Variants in MEI4 observed in about 807,000 individuals in gnomAD.
The protein encoded by MEI4 is meiotic double-stranded break formation protein 4.
Under a neutral mutation model 31.4 loss-of-function variants are expected in MEI4, and 27 were observed. That is an observed-to-expected ratio of 0.86 (90% confidence interval 0.63 to 1.19). The LOEUF (loss-of-function observed/expected upper bound fraction) is 1.19. Among genes scored for constraint, MEI4 ranks in the 50% most tolerant of loss-of-function variants. The pLI is 0.00. For synonymous variants in MEI4, 122 were observed against 145.4 expected, an observed-to-expected ratio of 0.84 and a Z score of 1.16; for missense variants, 329 against 398.9, an observed-to-expected ratio of 0.82 and a Z score of 1.49.
At chr6:77,875,062 G>A (rs138173923) in intron 4 of MEI4, among the ~76,000 whole-genome samples, 23 of 152,126 alleles carry the variant, frequency 1.5e-4, no homozygotes, top group Non-Finnish European at 2.9e-4. Context: ...CCCACCTCAT[G>A]CTAATTTTTC....
Position 77,653,675 on chromosome 6 carries a change from A to G in MEI4, c.-15+583A>G, listed in dbSNP as rs117147487. The stretch of plus-strand genomic sequence containing the variant: ...AAAAATGGGCCTTCTATGATGTGGA[A>G]GAACTCTGATCTATCAAAAGATAGA... On this transcript the variant is annotated intron_variant, in intron 1 of 4. Transcript: ENST00000684080. 6.0e-3 allele frequency among the ~76,000 whole-genome samples: 921 copies of G among 152,320 alleles called. 3 individuals are homozygous for G. Among genetic ancestry groups the G allele is most frequent in the Middle Eastern group, 0.014 (4 of 294 alleles).
At chr6:77,852,562 GTTTTTGT>G (rs1265544646) in intron 4 of MEI4, among the ~76,000 whole-genome samples, 1 of 137,606 alleles carries the variant, frequency 7.3e-6, no homozygotes, top group Non-Finnish European at 1.5e-5. Context: ...TACTTTTTTT[GTTTTTGT>G]TTTTTGTTGT....
chr6:77,818,700 G>C (rs1038380716), intron 3 of MEI4, among the ~76,000 whole-genome samples: 1 of 151,822 alleles, frequency 6.6e-6, no homozygotes, highest in Non-Finnish European at 1.5e-5. Context: ...TTACCTATTC[G>C]TACATTGTTA....
At chr6:77,746,638 C>CGTGT (rs5877568) in intron 2 of MEI4, among the ~76,000 whole-genome samples, 17,107 of 136,412 alleles carry the variant, frequency 0.13, 1,033 homozygotes, top group Middle Eastern at 0.18. Flanking sequence ...AAATATATGG[C>CGTGT]GTGTGTGTGT....
chr6:77,745,768 C>G (rs10806115), intron 2 of MEI4, among the ~76,000 whole-genome samples: 101,897 of 151,982 alleles, frequency 0.67, 34,767 homozygotes, highest in East Asian at 0.86. Flanking sequence ...ATAACAAACT[C>G]TCTCTCAGAC....
chr6:77,697,673 A>T (rs370238399), intron 2 of MEI4, among the ~76,000 whole-genome samples: 1 of 151,954 alleles, frequency 6.6e-6, no homozygotes, highest in Non-Finnish European at 1.5e-5. Flanking sequence ...TGCTGAGGAG[A>T]GCTTTACTTC....
intron 4 of MEI4, among the ~76,000 whole-genome samples, chr6:77,846,303 T>C (rs1221760424): frequency 6.6e-6 from 1 of 152,128 alleles, no homozygotes; most frequent in East Asian, 1.9e-4. Context: ...CATTTTGATT[T>C]CACTCCTTAT....
chr6:77,743,565 A>G (rs1160459827), intron 2 of MEI4, among the ~76,000 whole-genome samples: 1 of 152,160 alleles, frequency 6.6e-6, no homozygotes. Context: ...TGTCATCTGC[A>G]AACAGGGACT....
intron 4 of MEI4, among the ~76,000 whole-genome samples, chr6:77,874,537 C>T (rs1562021675): frequency 6.6e-6 from 1 of 152,148 alleles, no homozygotes; most frequent in Non-Finnish European, 1.5e-5. Flanking sequence ...GATATACAAT[C>T]AAGTCATCTG....
chr6:77,687,339 TAA>T (rs773736251), intron 1 of MEI4, among the ~76,000 whole-genome samples: 58 of 152,144 alleles, frequency 3.8e-4, no homozygotes, highest in Admixed American at 9.2e-4. Context: ...AAATTGAATT[TAA>T]AAAGGCTTTC....
intron 4 of MEI4, among the ~76,000 whole-genome samples, chr6:77,842,079 A>G (rs557649027): frequency 3.3e-5 from 5 of 152,180 alleles, no homozygotes; most frequent in Non-Finnish European, 7.4e-5. Flanking sequence ...GCCATTGACT[A>G]GTTTGACTTG....
chr6:77,750,808 C>T (rs920472052), intron 2 of MEI4, among the ~76,000 whole-genome samples: 1 of 152,162 alleles, frequency 6.6e-6, no homozygotes, highest in Admixed American at 6.5e-5. Context: ...CCCAAATCAA[C>T]AGAATATATA....
upstream of MEI4, among the ~76,000 whole-genome samples, chr6:77,650,468 C>G (rs1475058656): frequency 6.6e-6 from 1 of 152,234 alleles, no homozygotes; most frequent in African/African-American, 2.4e-5. Context: ...CTGGTGACCA[C>G]CTGCGGGGCA....
At chr6:77,693,352 C>T (rs1769195221) in intron 2 of MEI4, among the ~76,000 whole-genome samples, 1 of 151,944 alleles carries the variant, frequency 6.6e-6, no homozygotes, top group African/African-American at 2.4e-5. Context: ...CTATGACTAT[C>T]ATAAGCATCC....
Position 77,832,053 on chromosome 6 carries a change from C to T in MEI4, c.900+2991C>T, listed in dbSNP as rs191418618. 4.9e-4 allele frequency among the ~76,000 whole-genome samples: 75 copies of T among 152,044 alleles called. 1 individual carries two copies. The highest frequency in any genetic ancestry group is 4.4e-3 in the East Asian group (23 of 5,184). ...ATCCCCAGTATATGTACAACTCTGA[C>T]GTATCAATTAAAAATGCATCAAAAT... On this transcript the variant is annotated intron_variant, in intron 4 of 4. Transcript: ENST00000684080.
At chr6:77,698,587 A>T (rs994399597) in intron 2 of MEI4, among the ~76,000 whole-genome samples, 25 of 152,306 alleles carry the variant, frequency 1.6e-4, no homozygotes, top group Admixed American at 1.6e-3. Flanking sequence ...AGAATGTTGA[A>T]TATTGGCCCC....
chr6:77,741,598 C>A (rs1477765258), intron 2 of MEI4, among the ~76,000 whole-genome samples: 2 of 152,060 alleles, frequency 1.3e-5, no homozygotes, highest in Admixed American at 6.5e-5. Context: ...TTTGATCCAA[C>A]ATCATTCTGT....
At chr6:77,733,897 T>A (rs1418111071) in intron 2 of MEI4, among the ~76,000 whole-genome samples, 2 of 152,112 alleles carry the variant, frequency 1.3e-5, no homozygotes. Context: ...CCAGTAGTCA[T>A]TCAGGAGCAT....
At chr6:77,803,496 T>C (rs1370383701) in intron 3 of MEI4, among the ~76,000 whole-genome samples, 1 of 152,246 alleles carries the variant, frequency 6.6e-6, no homozygotes, top group East Asian at 1.9e-4. Context: ...TCCATCCAGC[T>C]TTATTCTGTT....
Sources: allele counts gnomAD v4.1 joint callset (sites outside exome capture counted in the v4.1 genomes callset), GRCh38; gene constraint gnomAD v4.1.1; transcripts MANE v1.5; gene names NCBI Gene and HGNC (gene_info 2026-07-23, HGNC 2026-07-21).